NDUFS4: variants seen among roughly 807,000 people sequenced by gnomAD.
The protein encoded by NDUFS4 is NADH:ubiquinone oxidoreductase subunit S4, also known as NADH dehydrogenase [ubiquinone] iron-sulfur protein 4, mitochondrial.
A neutral mutation model predicts 24.3 loss-of-function variants in NDUFS4; 28 were observed. The observed-to-expected ratio is 1.15, with a 90% confidence interval of 0.85 to 1.58. The LOEUF (loss-of-function observed/expected upper bound fraction) is 1.58, where lower values mean the gene tolerates loss of function less well. Among genes scored for constraint, NDUFS4 ranks in the 40% most tolerant of loss-of-function variants. The pLI is 0.00. For synonymous variants in NDUFS4, 93 were observed against 69.7 expected (o/e 1.34, Z -1.67); for missense variants, 223 against 207.9 (o/e 1.07, Z -0.45).
intron 2 of NDUFS4, among the ~76,000 whole-genome samples, chr5:53,623,079 A>T (rs1207175977): frequency 1.3e-5 from 2 of 152,216 alleles, no homozygotes; most frequent in Non-Finnish European, 2.9e-5. Context: ...TGCTATTAAT[A>T]TGGATGTCTA....
chr5:53,581,991 C>A (rs556099788), intron 1 of NDUFS4, among the ~76,000 whole-genome samples: 1 of 152,200 alleles, frequency 6.6e-6, no homozygotes, highest in Non-Finnish European at 1.5e-5. Context: ...GCAGGTGGAT[C>A]ATGAGGTCAG....
Position 53,683,267 on chromosome 5 carries a change from G to T in NDUFS4, c.*46G>T. 2.2e-6 allele frequency: 3 copies of T among 1,337,786 alleles called. No homozygotes were observed. Among genetic ancestry groups the T allele is most frequent in the Non-Finnish European group, 3.2e-6 (3 of 929,172 alleles). The allele number at this position is 1,337,786 out of a possible 1,614,324, so 82.9% of individuals were successfully genotyped here. A position where few individuals can be genotyped will look rare whatever the true frequency, so the allele number is the denominator to read the frequency against. On this transcript the variant is annotated 3_prime_UTR_variant, in exon 5 of 5. Transcript: ENST00000296684. ...TGCTTGACTGTGAATAAAGTCAGCT[G>T]TGCAGTATTTATAGTCCATGTATAA...
At chr5:53,647,895 T>C (rs1194132008) in intron 3 of NDUFS4, among the ~76,000 whole-genome samples, 2 of 152,200 alleles carry the variant, frequency 1.3e-5, no homozygotes, top group African/African-American at 2.4e-5. Flanking sequence ...GCAAATGATA[T>C]ATAGGCACAA....
chr5:53,596,742 A>C (rs957713057), intron 1 of NDUFS4, among the ~76,000 whole-genome samples: 1 of 152,198 alleles, frequency 6.6e-6, no homozygotes, highest in Non-Finnish European at 1.5e-5. Flanking sequence ...ACTTTATGAT[A>C]TAAGGTGAGT....
intron 1 of NDUFS4, among the ~76,000 whole-genome samples, chr5:53,570,549 A>G (rs1056646862): frequency 6.6e-6 from 1 of 152,086 alleles, no homozygotes; most frequent in African/African-American, 2.4e-5. Flanking sequence ...GGTCATAGCT[A>G]AGTGTATGTT....
At chr5:53,566,238 C>G (rs1466211459) in intron 1 of NDUFS4, among the ~76,000 whole-genome samples, 2 of 152,036 alleles carry the variant, frequency 1.3e-5, no homozygotes, top group Admixed American at 6.6e-5. Flanking sequence ...ATAATACTTG[C>G]TAGAAGAGAT....
chr5:53,663,127 C>T lies in NDUFS4; in HGVS notation c.424+4503C>T, dbSNP rs543741790. Among the ~76,000 whole-genome samples, 12 of 152,024 alleles carry T rather than the reference C, an allele frequency of 7.9e-5. No homozygotes were observed. The South Asian group carries it at 1.0e-3, about 13-fold the overall frequency. On this transcript the variant is annotated intron_variant, in intron 4 of 4. Coordinates refer to ENST00000296684, the MANE Select transcript of NDUFS4 (RefSeq NM_002495.4). Reference sequence around the variant, plus strand: ...GTTGTTCAGTTTCCATGTAGTTGAGCGGTTTTGGTGAGTTTCTTAATCCTG... The same window carrying T: ...GTTGTTCAGTTTCCATGTAGTTGAGTGGTTTTGGTGAGTTTCTTAATCCTG...
At chr5:53,621,374 T>G (rs1341677395) in intron 2 of NDUFS4, among the ~76,000 whole-genome samples, 1 of 152,130 alleles carries the variant, frequency 6.6e-6, no homozygotes, top group Non-Finnish European at 1.5e-5. Context: ...GTTTGACAAT[T>G]TCTGTCTTTT....
chr5:53,631,724 C>G (rs1176072157), intron 2 of NDUFS4, among the ~76,000 whole-genome samples: 1 of 152,208 alleles, frequency 6.6e-6, no homozygotes, highest in Non-Finnish European at 1.5e-5. Flanking sequence ...ACTCCACTCC[C>G]ACCACCAAGC....
intron 2 of NDUFS4, among the ~76,000 whole-genome samples, chr5:53,633,571 A>G (rs1751469360): frequency 6.6e-6 from 1 of 152,190 alleles, no homozygotes; most frequent in South Asian, 2.1e-4. Context: ...GCATAAAAAC[A>G]CACAGGTTTA....
chr5:53,634,717 T>G (rs964578292), intron 2 of NDUFS4, among the ~76,000 whole-genome samples: 1 of 152,116 alleles, frequency 6.6e-6, no homozygotes, highest in African/African-American at 2.4e-5. Context: ...GCCTTCTAAG[T>G]AGCTGGGATT....
chr5:53,668,269 C>G (rs866146387), intron 4 of NDUFS4, among the ~76,000 whole-genome samples: 1 of 152,046 alleles, frequency 6.6e-6, no homozygotes, highest in African/African-American at 2.4e-5. Context: ...ATTTGTATAT[C>G]AATTCAGGGA....
In NDUFS4 at chr5:53,607,689, A is replaced by G. The variant is rs779421701; in HGVS notation, c.177+4159A>G. ...AAAATAGAGCAATGGATTTTAAGTA[A>G]TCAAGTATGAAAATATTAAGGCTAT... On this transcript the variant is annotated intron_variant, in intron 2 of 4. Coordinates refer to ENST00000296684, the MANE Select transcript of NDUFS4 (RefSeq NM_002495.4). Among the ~76,000 whole-genome samples the G allele has an allele frequency of 4.5e-4, 68 of 152,196 alleles. 1 individual carries two copies. The highest frequency in any genetic ancestry group is 5.3e-4 in the Non-Finnish European group (36 of 68,040).
chr5:53,653,370 A>C (rs542700468), intron 3 of NDUFS4, among the ~76,000 whole-genome samples: 11 of 152,210 alleles, frequency 7.2e-5, no homozygotes, highest in Non-Finnish European at 1.2e-4. Context: ...ATTATGAGTA[A>C]GTAGCAAACA....
chr5:53,563,902 G>A (rs142423687), intron 1 of NDUFS4, among the ~76,000 whole-genome samples: 55 of 152,260 alleles, frequency 3.6e-4, no homozygotes, highest in African/African-American at 1.2e-3. Context: ...AGATGAAATG[G>A]CACTCTATTT....
At chr5:53,564,480 C>A (rs1748955571) in intron 1 of NDUFS4, among the ~76,000 whole-genome samples, 1 of 152,224 alleles carries the variant, frequency 6.6e-6, no homozygotes, top group South Asian at 2.1e-4. Context: ...TTTCCTCTTT[C>A]CAAATGCCCA....
chr5:53,615,894 A>G (rs1750823972), intron 2 of NDUFS4, among the ~76,000 whole-genome samples: 1 of 152,170 alleles, frequency 6.6e-6, no homozygotes, highest in South Asian at 2.1e-4. Context: ...ACCGATGTAC[A>G]TCTATTCCAG....
In NDUFS4 at chr5:53,678,142, A is replaced by T. The variant is rs558134374; in HGVS notation, c.425-4976A>T. ...ATTTGAAAAGTATATCATTTATATC[A>T]TAGGAAATAGAATATTCCACTCACA... On this transcript the variant is annotated intron_variant, in intron 4 of 4. Coordinates refer to ENST00000296684, the MANE Select transcript of NDUFS4 (RefSeq NM_002495.4). 5.3e-5 allele frequency among the ~76,000 whole-genome samples: 8 copies of T among 152,304 alleles called. No homozygotes were observed. In the South Asian group the frequency reaches 1.7e-3, roughly 32 times the overall value.
intron 3 of NDUFS4, among the ~76,000 whole-genome samples, chr5:53,656,243 G>T (rs1752158967): frequency 6.6e-6 from 1 of 150,812 alleles, no homozygotes; most frequent in Non-Finnish European, 1.5e-5. Flanking sequence ...TCACTCTCTG[G>T]TCTCTGAAAA....
Sources: allele counts gnomAD v4.1 joint callset (sites outside exome capture counted in the v4.1 genomes callset), GRCh38; gene constraint gnomAD v4.1.1; transcripts MANE v1.5; gene names NCBI Gene and HGNC (gene_info 2026-07-23, HGNC 2026-07-21).